The following SULT1B1 variants were observed in gnomAD, a reference collection of about 807,000 sequenced individuals.
SULT1B1 encodes sulfotransferase 1B1.
SULT1B1 carries 28 observed loss-of-function variants against 34.6 expected under a neutral mutation model. The ratio of observed to expected loss-of-function variants is 0.81; its 90% CI spans 0.60 to 1.11. SULT1B1 has a LOEUF of 1.11. Among genes scored for constraint, SULT1B1 ranks in the 50% least tolerant of loss-of-function variants. SULT1B1 has a pLI of 0.00. For missense variants in SULT1B1, 374 were observed against 352.2 expected (o/e 1.06, Z -0.50); for synonymous variants, 147 against 110.2 (o/e 1.33, Z -2.09).
chr4:69,744,613 T>C (rs1718681036), intron 4 of SULT1B1, among the ~76,000 whole-genome samples: 1 of 152,226 alleles, frequency 6.6e-6, no homozygotes, highest in African/African-American at 2.4e-5. Context: ...TTGGATCTTC[T>C]CTCTTTTTTT....
rs762223036 is a variant in SULT1B1 at position 69,727,095 on chromosome 4, T to C, written c.884A>G (p.Glu295Gly). The C allele has an allele frequency of 1.9e-6, 3 of 1,601,744 alleles. No individual in the cohort carries two copies. In the South Asian group the frequency reaches 3.4e-5, roughly 18 times the overall value. Residue 295 changes from glutamate (E) to glycine (G), a missense_variant, in exon 8 of 8, where the codon GAG (glutamate) becomes GGG (glycine). Coordinates refer to ENST00000310613, the MANE Select transcript of SULT1B1 (RefSeq NM_014465.4). ...MSKTALQFRTEI is the reference protein window; with the variant it reads ...MSKTALQFRTGI ...ATGTGTGATTTAGACACTTTAAATC[T>C]CTGTGCGGAATTGAAGTGCAGTTTT...
chr4:69,754,566 T>C (rs1454773774), intron 3 of SULT1B1, 104 bp downstream of exon 3: 2 of 1,181,426 alleles, frequency 1.7e-6, no homozygotes, highest in Non-Finnish European at 1.2e-6. Flanking sequence ...TTCCATTTTA[T>C]GTCACCAAAT....
chr4:69,748,387 A>G (rs1444314997), intron 4 of SULT1B1, among the ~76,000 whole-genome samples: 2 of 152,232 alleles, frequency 1.3e-5, no homozygotes, highest in Non-Finnish European at 2.9e-5. Flanking sequence ...GAAAACCAGT[A>G]AAGCTGAAGT....
At chr4:69,735,648 C>T (rs962484065) in intron 4 of SULT1B1, among the ~76,000 whole-genome samples, 2 of 152,188 alleles carry the variant, frequency 1.3e-5, no homozygotes, top group African/African-American at 4.8e-5. Context: ...TTTTATGTGG[C>T]ATCAGCAGGG....
chr4:69,759,924 A>G (rs1322767062), intron 1 of SULT1B1, among the ~76,000 whole-genome samples: 2 of 152,230 alleles, frequency 1.3e-5, no homozygotes, highest in African/African-American at 4.8e-5. Context: ...CCTGTTTTAG[A>G]AGAAACTGAG....
intron 4 of SULT1B1, among the ~76,000 whole-genome samples, chr4:69,737,663 A>C (rs1488491487): frequency 6.6e-6 from 1 of 152,178 alleles, no homozygotes; most frequent in African/African-American, 2.4e-5. Flanking sequence ...AATTATGTAT[A>C]TTTATGGCAA....
chr4:69,754,595 AAGTCAC>A (rs1719114413), intron 3 of SULT1B1, 69 bp downstream of exon 3: 11 of 1,439,272 alleles, frequency 7.6e-6, no homozygotes, highest in Non-Finnish European at 1.0e-5. Context: ...GTTTCAGTGA[AAGTCAC>A]ACATACAATA....
At chr4:69,749,957 A>C in intron 3 of SULT1B1, 139 bp from the exon 4 acceptor site, 1 of 621,660 alleles carries the variant, frequency 1.6e-6, no homozygotes, top group Non-Finnish European at 2.9e-6. Flanking sequence ...CAGGCATTTC[A>C]CCACATTACT....
chr4:69,735,582 A>G (rs1718271638), intron 4 of SULT1B1, among the ~76,000 whole-genome samples: 1 of 152,156 alleles, frequency 6.6e-6, no homozygotes, highest in African/African-American at 2.4e-5. Flanking sequence ...CTTCTCTCCA[A>G]TTTTCAAAAA....
At chr4:69,735,391 G>A (rs1480602609) in intron 4 of SULT1B1, among the ~76,000 whole-genome samples, 3 of 152,218 alleles carry the variant, frequency 2.0e-5, no homozygotes, top group Admixed American at 6.5e-5. Flanking sequence ...CAGAGACATA[G>A]TGGAGAATTC....
At chr4:69,735,297 C>A (rs1718258258) in intron 4 of SULT1B1, among the ~76,000 whole-genome samples, 1 of 152,110 alleles carries the variant, frequency 6.6e-6, no homozygotes, top group Non-Finnish European at 1.5e-5. Flanking sequence ...TGACCTGGAA[C>A]CATTTACAGG....
In SULT1B1 at chr4:69,722,688, C is replaced by G. The variant is rs936563012; in HGVS notation, c.*4400G>C. On this transcript the variant is annotated 3_prime_UTR_variant, in exon 8 of 8. Transcript: ENST00000310613. ...GGTTTGTTGTTACCACTAGACCAATCCTTTGCTGGGGTTGGAAAAGAGAAA... is the reference window on the plus strand; with the variant it reads ...GGTTTGTTGTTACCACTAGACCAATGCTTTGCTGGGGTTGGAAAAGAGAAA... The G allele has an allele frequency of 6.6e-6, 1 of 152,128 alleles. No individual in the cohort carries two copies. The highest frequency in any genetic ancestry group is 1.9e-4 in the East Asian group (1 of 5,184). The allele number at this position is 152,128 out of a possible 1,614,324, so 9.4% of individuals were successfully genotyped here.
intron 3 of SULT1B1, among the ~76,000 whole-genome samples, chr4:69,753,462 T>C (rs1373329271): frequency 6.6e-6 from 1 of 152,234 alleles, no homozygotes; most frequent in Non-Finnish European, 1.5e-5. Flanking sequence ...TTCCTCAATG[T>C]TCTTGGAATA....
intron 4 of SULT1B1, among the ~76,000 whole-genome samples, chr4:69,738,147 A>T (rs1718391145): frequency 6.6e-6 from 1 of 152,194 alleles, no homozygotes; most frequent in Non-Finnish European, 1.5e-5. Context: ...ATTTGCTTAG[A>T]ATAATGGCCT....
chr4:69,758,353 TA>T, intron 1 of SULT1B1: 2 of 985,378 alleles, frequency 2.0e-6, no homozygotes, highest in Non-Finnish European at 2.4e-6. Flanking sequence ...AGTTTGGATA[TA>T]AAGGAATCAG....
At chr4:69,732,397 G>T (rs1264390990) in intron 6 of SULT1B1, among the ~76,000 whole-genome samples, 2 of 152,118 alleles carry the variant, frequency 1.3e-5, no homozygotes, top group Admixed American at 1.3e-4. Flanking sequence ...GTTATATAAA[G>T]TAGGATTAAT....
chr4:69,732,204 G>C (rs1174374287), intron 6 of SULT1B1, among the ~76,000 whole-genome samples: 1 of 152,180 alleles, frequency 6.6e-6, no homozygotes, highest in Admixed American at 6.5e-5. Flanking sequence ...CCTGTGTAAA[G>C]GGACAATGAT....
At position 69,724,453 on chromosome 4, in the gene SULT1B1, C is replaced by T. The variant is rs1431845267; in HGVS notation, c.*2635G>A. The T allele has an allele frequency of 1.3e-5, 2 of 152,040 alleles. No individual in the cohort carries two copies. The highest frequency in any genetic ancestry group is 4.8e-5 in the African/African-American group (2 of 41,410). The allele number at this position is 152,040 out of a possible 1,614,324, so 9.4% of individuals were successfully genotyped here. On this transcript the variant is annotated 3_prime_UTR_variant, in exon 8 of 8. Coordinates refer to ENST00000310613, the MANE Select transcript of SULT1B1 (RefSeq NM_014465.4). Reference sequence around the variant, plus strand: ...TGAAAATGGCCATACTGCCCAAGGTCATTTATAGATTCAATGCCATCCCCA... The same window carrying T: ...TGAAAATGGCCATACTGCCCAAGGTTATTTATAGATTCAATGCCATCCCCA...
intron 4 of SULT1B1, among the ~76,000 whole-genome samples, chr4:69,747,347 CA>C (rs1039450151): frequency 6.6e-6 from 1 of 152,100 alleles, no homozygotes; most frequent in African/African-American, 2.4e-5. Flanking sequence ...AAAAACTGGG[CA>C]AAAAACTGGA....
Sources: gnomAD v4.1 joint callset for allele counts (sites outside exome capture counted in the v4.1 genomes callset) on GRCh38, gnomAD v4.1.1 for gene constraint, MANE v1.5 for transcripts, NCBI Gene and HGNC (gene_info 2026-07-23, HGNC 2026-07-21) for gene names.